LTBP2: variants seen among roughly 807,000 people sequenced by gnomAD.
LTBP2 encodes latent-transforming growth factor beta-binding protein 2.
In LTBP2, 103 loss-of-function variants were observed where a neutral mutation model predicts 210.6. The observed-to-expected ratio is 0.49, with a 90% confidence interval of 0.42 to 0.58. The LOEUF (loss-of-function observed/expected upper bound fraction) is 0.58, where lower values mean the gene tolerates loss of function less well. LTBP2 is among the 20% of genes least tolerant of loss of function. The pLI, the probability that LTBP2 is intolerant of heterozygous loss-of-function variation, is 0.00. For synonymous variants in LTBP2, 1,007 were observed against 1,015.0 expected (o/e 0.99, Z 0.15); for missense variants, 2,313 against 2,494.5 (o/e 0.93, Z 1.55).
chr14:74,503,182 C>T (rs777911064), intron 33 of LTBP2, 37 bp downstream of exon 33: 1 of 1,610,744 alleles, frequency 6.2e-7, no homozygotes, highest in Admixed American at 1.7e-5. Flanking sequence ...TGGGGCCTGG[C>T]CCAGCCCTGC....
At chr14:74,519,157 TAAAC>T (rs554325636) in intron 17 of LTBP2, among the ~76,000 whole-genome samples, 1,576 of 152,306 alleles carry the variant, frequency 0.01, 33 homozygotes, top group African/African-American at 0.035. Context: ...AAGGATTTCT[TAAAC>T]AAAGCCCCCA....
intron 3 of LTBP2, among the ~76,000 whole-genome samples, chr14:74,559,429 T>C (rs1009334234): frequency 2.6e-5 from 4 of 152,172 alleles, no homozygotes; most frequent in Non-Finnish European, 4.4e-5. Context: ...CAGGTTTTTT[T>C]ATAGGTCCTG....
Position 74,552,916 on chromosome 14 carries a change from C to T in LTBP2, c.1168G>A (p.Asp390Asn), listed in dbSNP as rs745464603. The T allele has an allele frequency of 8.7e-6, 14 of 1,613,378 alleles. No individual in the cohort carries two copies. The highest frequency in any genetic ancestry group is 6.7e-5 in the African/African-American group (5 of 74,926). ...CAGATGCGGAAGCCAGACTTGGGATCGTGCCCATGGCCGCCCTGGCTGTAC... is the reference window on the plus strand; with the variant it reads ...CAGATGCGGAAGCCAGACTTGGGATTGTGCCCATGGCCGCCCTGGCTGTAC... The part of the protein sequence containing the change: ...TLYSQGGHGH[D>N]PKSGFRIYFC... The change falls in exon 5 of 36, where the codon GAT becomes AAT. Residue 390 changes from aspartate (D) to asparagine (N), a missense_variant. Physicochemically the swap from Asp to Asn is conservative, Grantham distance 23. Transcript: ENST00000261978.
At chr14:74,572,961 C>T (rs1197520896) in intron 3 of LTBP2, among the ~76,000 whole-genome samples, 2 of 152,222 alleles carry the variant, frequency 1.3e-5, no homozygotes, top group East Asian at 1.9e-4. Flanking sequence ...ATGCTATGAA[C>T]ATAGCTACAA....
At chr14:74,505,975 TAGAGGGATGC>T (rs1008532908) in intron 28 of LTBP2, 63 bp downstream of exon 28, 19 of 1,587,432 alleles carry the variant, frequency 1.2e-5, no homozygotes, top group Admixed American at 6.7e-5. Flanking sequence ...TAGAGGCTAG[TAGAGGGATGC>T]AGAGGGACAC....
intron 9 of LTBP2, among the ~76,000 whole-genome samples, chr14:74,533,890 AGAT>A (rs1350435633): frequency 1.3e-5 from 2 of 152,312 alleles, no homozygotes; most frequent in African/African-American, 4.8e-5. Context: ...ATGGCAGCAG[AGAT>A]GATAAGCATT....
chr14:74,504,756 G>A (rs1274098708), intron 30 of LTBP2, 22 bp downstream of exon 30: 2 of 1,612,048 alleles, frequency 1.2e-6, no homozygotes, highest in African/African-American at 2.7e-5. Context: ...AGGAGTTTGG[G>A]GCAGAGGATG....
chr14:74,569,540 C>G (rs1015262546), intron 3 of LTBP2, among the ~76,000 whole-genome samples: 3 of 152,112 alleles, frequency 2.0e-5, no homozygotes, highest in African/African-American at 7.2e-5. Context: ...AGGGCATCTG[C>G]TCATGCCAAA....
chr14:74,575,959 G>T (rs144238927), intron 3 of LTBP2, among the ~76,000 whole-genome samples: 1,524 of 152,264 alleles, frequency 0.01, 24 homozygotes, highest in African/African-American at 0.034. Flanking sequence ...GGGGAGTCAT[G>T]GGGGCTCTTC....
chr14:74,511,422 CTG>C, intron 18 of LTBP2, 58 bp from the exon 19 acceptor site: 1 of 1,609,234 alleles, frequency 6.2e-7, no homozygotes, highest in Non-Finnish European at 8.5e-7. Flanking sequence ...ATGGGTAGGT[CTG>C]TGACACAGCA....
At chr14:74,587,301 C>T (rs1400432546) in intron 2 of LTBP2, among the ~76,000 whole-genome samples, 1 of 152,024 alleles carries the variant, frequency 6.6e-6, no homozygotes, top group Non-Finnish European at 1.5e-5. Context: ...GGACAAAGTC[C>T]TTGTCCATCT....
intron 28 of LTBP2, 45 bp from the exon 29 acceptor site, chr14:74,505,219 A>AG (rs746557818): frequency 1.8e-5 from 29 of 1,581,850 alleles, no homozygotes; most frequent in Middle Eastern, 1.7e-4. Flanking sequence ...TGACCCTCTA[A>AG]GGGGGGTCAA....
At chr14:74,529,771 T>C (rs1394321444) in intron 10 of LTBP2, among the ~76,000 whole-genome samples, 6 of 152,238 alleles carry the variant, frequency 3.9e-5, no homozygotes, top group Non-Finnish European at 8.8e-5. Context: ...CCTTATCTCC[T>C]TTCTTGTACT....
intron 7 of LTBP2, 145 bp downstream of exon 7, chr14:74,550,919 T>G: frequency 1.9e-6 from 2 of 1,057,568 alleles, no homozygotes; most frequent in Non-Finnish European, 2.8e-6. Flanking sequence ...TTTCATGCCT[T>G]GGGTTTTCCC....
rs2088208388 is a variant in LTBP2 at position 74,586,580 on chromosome 14, TG to T, written c.566-463del. ...TCTTTTGCGGGAAAGGGCCCAACAC[TG>T]GCCTGAAATTCAAGCGGTTTGAGTT... On this transcript the variant is annotated intron_variant, in intron 2 of 35. Coordinates refer to ENST00000261978, the MANE Select transcript of LTBP2 (RefSeq NM_000428.3). This position sits in a 1 kb window ranked among gnomAD's most constrained non-coding sequence, Gnocchi z 4.6. Among the ~76,000 whole-genome samples the T allele has an allele frequency of 1.3e-5, 2 of 152,182 alleles. No homozygotes were observed. Among genetic ancestry groups the T allele is most frequent in the African/African-American group, 2.4e-5 (1 of 41,436 alleles).
intron 18 of LTBP2, among the ~76,000 whole-genome samples, chr14:74,513,057 TGC>T (rs1194094337): frequency 3.3e-5 from 5 of 152,208 alleles, no homozygotes; most frequent in Non-Finnish European, 7.3e-5. Flanking sequence ...CCTAAATCCA[TGC>T]CAGGAAAAAT....
At chr14:74,580,202 G>C (rs560341835) in intron 3 of LTBP2, among the ~76,000 whole-genome samples, 55 of 152,214 alleles carry the variant, frequency 3.6e-4, no homozygotes, top group Admixed American at 7.9e-4. Flanking sequence ...ACAAAGGAAA[G>C]GGGAGAAGAA....
chr14:74,552,862 G>T, intron 5 of LTBP2, 30 bp downstream of exon 5: 1 of 1,603,478 alleles, frequency 6.2e-7, no homozygotes, highest in East Asian at 2.3e-5. Context: ...AGGGCCAGCT[G>T]GGAACCATCT....
At chr14:74,514,432 T>C (rs1595246304) in intron 18 of LTBP2, among the ~76,000 whole-genome samples, 1 of 152,152 alleles carries the variant, frequency 6.6e-6, no homozygotes, top group African/African-American at 2.4e-5. Flanking sequence ...CAACAATCAA[T>C]CCAGAGACCA....
Sources: gnomAD v4.1 joint callset for allele counts (sites outside exome capture counted in the v4.1 genomes callset) on GRCh38, gnomAD v4.1.1 for gene constraint, Gnocchi (gnomAD v3.1) non-coding constraint, MANE v1.5 for transcripts, NCBI Gene and HGNC (gene_info 2026-07-23, HGNC 2026-07-21) for gene names.